SMOC2: variants seen among roughly 807,000 people sequenced by gnomAD.
SMOC2 encodes the protein SPARC-related modular calcium-binding protein 2.
Under a neutral mutation model 61.4 loss-of-function variants are expected in SMOC2, and 39 were observed. The observed-to-expected ratio is 0.64, with a 90% CI of 0.49 to 0.83. The LOEUF (loss-of-function observed/expected upper bound fraction) is 0.83. Among genes scored for constraint, SMOC2 ranks in the 40% least tolerant of loss-of-function variants. The pLI, the probability that SMOC2 is intolerant of heterozygous loss-of-function variation, is 0.00. For missense variants in SMOC2, 556 were observed against 592.9 expected (o/e 0.94, Z 0.65); for synonymous variants, 247 against 239.9 (o/e 1.03, Z -0.27).
chr6:168,497,690 T>A (rs551243527), intron 1 of SMOC2, among the ~76,000 whole-genome samples: 4 of 152,264 alleles, frequency 2.6e-5, no homozygotes, highest in Admixed American at 1.3e-4. Context: ...AAAACCTGGC[T>A]CAGATGAAGT....
At chr6:168,651,354 G>A (rs74399376) in intron 10 of SMOC2, among the ~76,000 whole-genome samples, 253 of 152,166 alleles carry the variant, frequency 1.7e-3, no homozygotes, top group African/African-American at 5.5e-3. Context: ...TGGACCTGGG[G>A]CCTGGAGCTC....
At chr6:168,626,283 C>T (rs1786406993) in intron 9 of SMOC2, among the ~76,000 whole-genome samples, 1 of 152,200 alleles carries the variant, frequency 6.6e-6, no homozygotes, top group South Asian at 2.1e-4. Flanking sequence ...AAGTCTTCAC[C>T]ACTGTGGCTT....
chr6:168,457,961 C>T (rs1781626600), intron 1 of SMOC2, among the ~76,000 whole-genome samples: 1 of 152,184 alleles, frequency 6.6e-6, no homozygotes, highest in South Asian at 2.1e-4. Flanking sequence ...GGTGGCCGGT[C>T]TTTCCCACCT....
At chr6:168,527,416 A>G (rs1057417820) in intron 3 of SMOC2, among the ~76,000 whole-genome samples, 1 of 152,202 alleles carries the variant, frequency 6.6e-6, no homozygotes, top group Non-Finnish European at 1.5e-5. Flanking sequence ...CAGTCAGTAA[A>G]GTGCTGATTT....
At chr6:168,477,003 C>A (rs1204988100) in intron 1 of SMOC2, among the ~76,000 whole-genome samples, 1 of 152,170 alleles carries the variant, frequency 6.6e-6, no homozygotes, top group Non-Finnish European at 1.5e-5. Flanking sequence ...TGCAATAACA[C>A]CAATGGTTCC....
intron 11 of SMOC2, among the ~76,000 whole-genome samples, chr6:168,655,921 G>A (rs1273464167): frequency 6.6e-6 from 1 of 150,956 alleles, no homozygotes; most frequent in African/African-American, 2.4e-5. Flanking sequence ...CACATGTACT[G>A]GATCCCACTG....
chr6:168,531,799 GATGTAA>G (rs1434179602), intron 4 of SMOC2, among the ~76,000 whole-genome samples: 1 of 152,240 alleles, frequency 6.6e-6, no homozygotes, highest in Non-Finnish European at 1.5e-5. Flanking sequence ...GCAGAGCTGG[GATGTAA>G]ACCTACATCT....
rs867293069 is a variant in SMOC2 at position 168,475,971 on chromosome 6, T to G, written c.85-33944T>G. 1.4e-4 allele frequency among the ~76,000 whole-genome samples: 21 copies of G among 152,028 alleles called. No homozygotes were observed. The highest frequency in any genetic ancestry group is 1.2e-3 in the Admixed American group (18 of 15,274). On this transcript the variant is annotated intron_variant, in intron 1 of 12. Transcript: ENST00000356284. The surrounding 1 kb of genome is among the most constrained non-coding windows in gnomAD (Gnocchi z 4.6). ...TGAGGTTTGCTAACCGTAGTCCACT[T>G]GGGACCTTCCCACACGTGGTCTCCC...
intron 7 of SMOC2, among the ~76,000 whole-genome samples, chr6:168,587,745 G>A (rs982084029): frequency 6.6e-6 from 1 of 152,164 alleles, no homozygotes; most frequent in African/African-American, 2.4e-5. Context: ...CAGCGAGGGA[G>A]GTCTGTAGCT....
At chr6:168,500,479 G>A (rs943560257) in intron 1 of SMOC2, among the ~76,000 whole-genome samples, 8 of 152,208 alleles carry the variant, frequency 5.3e-5, no homozygotes, top group Non-Finnish European at 1.2e-4. Context: ...ACCTGACGGG[G>A]TCCCTCACGG....
chr6:168,495,757 G>A (rs530601595), intron 1 of SMOC2, among the ~76,000 whole-genome samples: 14 of 152,080 alleles, frequency 9.2e-5, no homozygotes, highest in Non-Finnish European at 1.9e-4. Flanking sequence ...ACTCACCTGC[G>A]CGGTTCCCTG....
chr6:168,569,679 A>G (rs936479485), intron 7 of SMOC2, among the ~76,000 whole-genome samples: 3 of 152,074 alleles, frequency 2.0e-5, no homozygotes, highest in South Asian at 2.1e-4. Context: ...CCTTAGCTCA[A>G]GCTATCTGCC....
intron 11 of SMOC2, among the ~76,000 whole-genome samples, 188 bp downstream of exon 11, chr6:168,653,416 C>T (rs1319075087): frequency 6.6e-6 from 1 of 152,258 alleles, no homozygotes; most frequent in Non-Finnish European, 1.5e-5. Flanking sequence ...TCACATGCCA[C>T]TTGCCCAGGA....
intron 1 of SMOC2, among the ~76,000 whole-genome samples, chr6:168,446,954 C>T (rs975514241): frequency 2.0e-5 from 3 of 152,214 alleles, no homozygotes; most frequent in African/African-American, 7.2e-5. Flanking sequence ...GTGGCATATC[C>T]ACCAATTAAA....
intron 1 of SMOC2, among the ~76,000 whole-genome samples, chr6:168,473,485 C>A (rs1351774522): frequency 1.3e-5 from 2 of 152,190 alleles, no homozygotes; most frequent in African/African-American, 4.8e-5. Context: ...TACCTTCTCT[C>A]ACTTCCTTGA....
At chr6:168,497,108 G>C (rs938104708) in intron 1 of SMOC2, among the ~76,000 whole-genome samples, 9 of 152,226 alleles carry the variant, frequency 5.9e-5, no homozygotes, top group African/African-American at 2.2e-4. Context: ...CTGCCGTCCT[G>C]GGGAAAGAAG....
chr6:168,585,435 A>G (rs1785025541), intron 7 of SMOC2, among the ~76,000 whole-genome samples: 1 of 152,194 alleles, frequency 6.6e-6, no homozygotes, highest in African/African-American at 2.4e-5. Context: ...CAGATACCAC[A>G]GCTTATTTCT....
At chr6:168,571,286 T>G (rs544549312) in intron 7 of SMOC2, among the ~76,000 whole-genome samples, 1 of 152,230 alleles carries the variant, frequency 6.6e-6, no homozygotes, top group Non-Finnish European at 1.5e-5. Flanking sequence ...TGGTGATGAC[T>G]GCCTGTGGAA....
At chr6:168,552,626 T>G (rs1470029301) in intron 7 of SMOC2, among the ~76,000 whole-genome samples, 2 of 152,270 alleles carry the variant, frequency 1.3e-5, no homozygotes, top group African/African-American at 4.8e-5. Flanking sequence ...ACATATGCTT[T>G]GGAGCATATA....
Sources: allele counts gnomAD v4.1 joint callset (sites outside exome capture counted in the v4.1 genomes callset), GRCh38; gene constraint gnomAD v4.1.1; non-coding constraint Gnocchi (gnomAD v3.1); transcripts MANE v1.5; gene names NCBI Gene and HGNC (gene_info 2026-07-23, HGNC 2026-07-21).